The following L3MBTL4 variants were observed in gnomAD, a reference collection of about 807,000 sequenced individuals.
L3MBTL4 encodes L3MBTL histone methyl-lysine binding protein 4.
A neutral mutation model predicts 84.5 loss-of-function variants in L3MBTL4; 70 were observed. The ratio of observed to expected loss-of-function variants is 0.83; its 90% CI spans 0.68 to 1.01. L3MBTL4 has a LOEUF of 1.01. Among genes scored for constraint, L3MBTL4 ranks in the 50% least tolerant of loss-of-function variants. The pLI is 0.00. For missense variants in L3MBTL4, 715 were observed against 754.8 expected, an observed-to-expected ratio of 0.95 and a Z score of 0.62; for synonymous variants, 274 against 259.8, an observed-to-expected ratio of 1.05 and a Z score of -0.52.
At chr18:6,372,037 G>A (rs1350205875) in intron 1 of L3MBTL4, among the ~76,000 whole-genome samples, 1 of 152,206 alleles carries the variant, frequency 6.6e-6, no homozygotes. Context: ...TGTCAGGGGT[G>A]CCAAGACTGC....
intron 16 of L3MBTL4, among the ~76,000 whole-genome samples, chr18:6,016,140 T>C (rs1405302195): frequency 6.6e-6 from 1 of 151,684 alleles, no homozygotes; most frequent in Non-Finnish European, 1.5e-5. Context: ...GCTTGGAAGG[T>C]GTGGAAGTGG....
chr18:6,258,888 A>G (rs1285484457), intron 5 of L3MBTL4: 2 of 152,296 alleles, frequency 1.3e-5, no homozygotes, highest in Non-Finnish European at 2.9e-5. Flanking sequence ...CACACACCCT[A>G]TTGAGGCAGC....
At chr18:6,282,998 T>C (rs2049392749) in intron 4 of L3MBTL4, among the ~76,000 whole-genome samples, 1 of 152,164 alleles carries the variant, frequency 6.6e-6, no homozygotes, top group African/African-American at 2.4e-5. Flanking sequence ...GGGCAGTGCA[T>C]TCACTGATCT....
chr18:6,411,886 A>G (rs1285062589), intron 1 of L3MBTL4, among the ~76,000 whole-genome samples: 1 of 152,200 alleles, frequency 6.6e-6, no homozygotes, highest in African/African-American at 2.4e-5. Flanking sequence ...GTTTTTCACA[A>G]CGCAAAATCA....
At chr18:6,307,183 A>G (rs2050623447) in intron 3 of L3MBTL4, among the ~76,000 whole-genome samples, 1 of 152,058 alleles carries the variant, frequency 6.6e-6, no homozygotes, top group Admixed American at 6.5e-5. Context: ...CTGTATTCCC[A>G]GCACTTTGGG....
At chr18:6,413,656 G>C (rs1445714404) in intron 1 of L3MBTL4, among the ~76,000 whole-genome samples, 1 of 152,202 alleles carries the variant, frequency 6.6e-6, no homozygotes, top group Non-Finnish European at 1.5e-5. Flanking sequence ...TTCTAGAACA[G>C]CTCCAACAGA....
At chr18:6,318,494 T>TAAAAAAAAAAAAAAAAAAAAAAAAAAAAA (rs71370550) in intron 1 of L3MBTL4, among the ~76,000 whole-genome samples, 2 of 14,202 alleles carry the variant, frequency 1.4e-4, no homozygotes, top group Admixed American at 1.3e-3. Flanking sequence ...ACAACAATAG[T>TAAAAAAAAAAAAAAAAAAAAAAAAAAAAA]AAAAAAAAAA....
intron 14 of L3MBTL4, among the ~76,000 whole-genome samples, chr18:6,124,096 G>A (rs150511676): frequency 2.6e-4 from 39 of 152,322 alleles, no homozygotes; most frequent in African/African-American, 9.4e-4. Context: ...AAACATCTCA[G>A]TGGAGGGATG....
At position 6,191,896 on chromosome 18, in the gene L3MBTL4, G is replaced by A. The variant is rs147175566; in HGVS notation, c.982-19954C>T. On this transcript the variant is annotated intron_variant, in intron 12 of 18. Coordinates refer to ENST00000317931, the MANE Select transcript of L3MBTL4 (RefSeq NM_001330559.2). ...TCCCAGCTCCTCAGGAAGCAGAGGT[G>A]GGAAGATCACTTGAGCCCAGGAGTT... 6.7e-3 allele frequency among the ~76,000 whole-genome samples: 1,023 copies of A among 152,112 alleles called. 10 individuals are homozygous for A. The highest frequency in any genetic ancestry group is 0.023 in the African/African-American group (943 of 41,470).
intron 16 of L3MBTL4, among the ~76,000 whole-genome samples, chr18:6,020,688 TA>T (rs1306504037): frequency 5.9e-5 from 9 of 152,180 alleles, no homozygotes; most frequent in Admixed American, 5.2e-4. Flanking sequence ...GTTTGGTTTC[TA>T]ATTGGTTATA....
intron 12 of L3MBTL4, among the ~76,000 whole-genome samples, chr18:6,185,829 C>CA (rs2044699045): frequency 4.6e-5 from 7 of 152,134 alleles, no homozygotes; most frequent in Admixed American, 4.6e-4. Context: ...TGTGCTGAGG[C>CA]TGCCAAATAG....
chr18:6,013,163 T>C (rs972100729), intron 16 of L3MBTL4, among the ~76,000 whole-genome samples: 1 of 152,168 alleles, frequency 6.6e-6, no homozygotes, highest in African/African-American at 2.4e-5. Flanking sequence ...AGAAGGAATG[T>C]CTCAGTGTGG....
intron 18 of L3MBTL4, among the ~76,000 whole-genome samples, chr18:5,959,826 G>A (rs1211019405): frequency 2.6e-5 from 4 of 151,976 alleles, no homozygotes; most frequent in Non-Finnish European, 5.9e-5. Flanking sequence ...ATGGCATTCT[G>A]CAACAAAACC....
At chr18:5,964,317 C>G (rs2052223809) in intron 17 of L3MBTL4, among the ~76,000 whole-genome samples, 1 of 152,208 alleles carries the variant, frequency 6.6e-6, no homozygotes, top group African/African-American at 2.4e-5. Context: ...ACCTACTTTC[C>G]CTGGCATCAT....
At chr18:6,244,375 A>T in intron 6 of L3MBTL4, 109 bp downstream of exon 6, 1 of 666,844 alleles carries the variant, frequency 1.5e-6, no homozygotes, top group Non-Finnish European at 2.6e-6. Context: ...ATAAATCCAT[A>T]ATGCACTGGA....
chr18:6,171,302 T>C (rs1264241863), intron 13 of L3MBTL4, among the ~76,000 whole-genome samples: 1 of 152,202 alleles, frequency 6.6e-6, no homozygotes, highest in Non-Finnish European at 1.5e-5. Context: ...GGGTTGAGGC[T>C]CATTAAAATT....
chr18:6,229,873 C>T (rs1241885246), intron 10 of L3MBTL4, among the ~76,000 whole-genome samples: 2 of 152,128 alleles, frequency 1.3e-5, no homozygotes, highest in Non-Finnish European at 2.9e-5. Flanking sequence ...GTTTTGATTG[C>T]TGTAGCTTTT....
intron 14 of L3MBTL4, among the ~76,000 whole-genome samples, chr18:6,120,695 C>A (rs1302518777): frequency 6.6e-6 from 1 of 152,090 alleles, no homozygotes; most frequent in East Asian, 1.9e-4. Flanking sequence ...ATGTTTCCTG[C>A]TTTTGTACCT....
chr18:6,195,472 G>A (rs75112322), intron 12 of L3MBTL4, among the ~76,000 whole-genome samples: 6 of 152,248 alleles, frequency 3.9e-5, no homozygotes, highest in East Asian at 3.9e-4. Flanking sequence ...TGTGTGGCTC[G>A]CGGAAGCTGC....
Sources: gnomAD v4.1 joint callset for allele counts (sites outside exome capture counted in the v4.1 genomes callset) on GRCh38, gnomAD v4.1.1 for gene constraint, MANE v1.5 for transcripts, NCBI Gene and HGNC (gene_info 2026-07-23, HGNC 2026-07-21) for gene names.